FAT3: variants seen among roughly 807,000 people sequenced by gnomAD.
The protein encoded by FAT3 is FAT atypical cadherin 3, also known as protocadherin Fat 3.
FAT3 carries 95 observed loss-of-function variants against 310.2 expected under a neutral mutation model. The ratio of observed to expected loss-of-function variants is 0.31; its 90% CI spans 0.26 to 0.36. The LOEUF (loss-of-function observed/expected upper bound fraction) is 0.36. Ranked by LOEUF, FAT3 falls within the 10% of genes least tolerant of loss-of-function variation. The probability of loss-of-function intolerance (pLI) is 1.00; values close to 1 mark genes in which losing one functional copy is unlikely to be tolerated. For missense variants in FAT3, 5,408 were observed against 5,715.6 expected, an observed-to-expected ratio of 0.95 and a Z score of 1.74; for synonymous variants, 2,314 against 2,192.9, an observed-to-expected ratio of 1.06 and a Z score of -1.54.
chr11:92,257,528 C>T (rs2134295130), intron 1 of FAT3, among the ~76,000 whole-genome samples: 1 of 152,028 alleles, frequency 6.6e-6, no homozygotes, highest in Non-Finnish European at 1.5e-5. Flanking sequence ...AAAAAATTGC[C>T]TAAAAAAATA....
intron 3 of FAT3, among the ~76,000 whole-genome samples, chr11:92,600,442 G>A (rs548676012): frequency 4.6e-4 from 70 of 152,302 alleles, no homozygotes; most frequent in African/African-American, 1.6e-3. Flanking sequence ...ATAATAAAGT[G>A]CTTAGTCCTG....
Position 92,800,281 on chromosome 11 carries a change from G to T in FAT3, c.7268G>T (p.Ser2423Ile). The T allele has an allele frequency of 6.2e-7, 1 of 1,613,882 alleles. No individual in the cohort carries two copies. Among genetic ancestry groups the T allele is most frequent in the Non-Finnish European group, 8.5e-7 (1 of 1,179,782 alleles). ...TGTGTACAAGCCTCTGATGCAGACA[G>T]CTCTGATTTTGACCGGTTGGAATAT... ...VTCVQASDAD[S>I]SDFDRLEYSI... is the part of the protein sequence containing the mutation. The change falls in exon 10 of 28, where the codon AGC (serine) becomes ATC (isoleucine). Residue 2423 changes from serine (S) to isoleucine (I), a missense_variant. Physicochemically the swap from Ser to Ile is moderately radical, Grantham distance 142 (BLOSUM62 -2). Transcript: ENST00000525166.
At chr11:92,861,891 A>C (rs893670997) in intron 21 of FAT3, among the ~76,000 whole-genome samples, 11 of 152,356 alleles carry the variant, frequency 7.2e-5, no homozygotes, top group Admixed American at 6.5e-5. Flanking sequence ...TTCTCTAAAA[A>C]GTACTTAAAG....
At chr11:92,741,246 C>G (rs564421249) in intron 4 of FAT3, among the ~76,000 whole-genome samples, 4 of 152,122 alleles carry the variant, frequency 2.6e-5, no homozygotes, top group Admixed American at 6.6e-5. Flanking sequence ...TCACCATGTT[C>G]CCCGAGCTGA....
intron 22 of FAT3, among the ~76,000 whole-genome samples, chr11:92,870,125 C>T (rs1360520724): frequency 1.3e-5 from 2 of 152,226 alleles, no homozygotes; most frequent in East Asian, 3.8e-4. Flanking sequence ...CATCGGTTCT[C>T]CTGGCGGCAG....
intron 7 of FAT3, among the ~76,000 whole-genome samples, chr11:92,784,565 C>T (rs1346552896): frequency 2.0e-5 from 3 of 152,180 alleles, no homozygotes; most frequent in African/African-American, 7.2e-5. Context: ...GCATTGAAAC[C>T]AGCTCTGAAG....
intron 1 of FAT3, among the ~76,000 whole-genome samples, chr11:92,236,758 C>A (rs1185138724): frequency 6.6e-6 from 1 of 152,194 alleles, no homozygotes; most frequent in South Asian, 2.1e-4. Context: ...GCTCACAGTT[C>A]AGTGTTGGGA....
chr11:92,800,986 G>T lies in FAT3; in HGVS notation c.7973G>T (p.Gly2658Val). 2 of 1,613,400 alleles carry T rather than the reference G, an allele frequency of 1.2e-6. No homozygotes were observed. The highest frequency in any genetic ancestry group is 1.7e-6 in the Non-Finnish European group (2 of 1,179,678). The stretch of plus-strand genomic sequence containing the variant: ...CTCCTGGAAATCGATCCTGACAATG[G>T]CTGGATGGTCACAAAGGGTAATTTT... The part of the protein sequence containing the change: ...ADLLEIDPDN[G>V]WMVTKGNFNQ... The change falls in exon 10 of 28, where the codon GGC becomes GTC. Residue 2658 changes from glycine to valine, a missense_variant. Physicochemically the swap from Gly to Val is moderately radical, Grantham distance 109 (BLOSUM62 -3). Around this residue, in one of 5 missense-constraint regions of FAT3, gnomAD observed 4,588 missense variants for 4,809.8 expected, o/e 0.95. Coordinates refer to ENST00000525166, the MANE Select transcript of FAT3 (RefSeq NM_001367949.2).
intron 1 of FAT3, among the ~76,000 whole-genome samples, chr11:92,273,852 A>G (rs891275667): frequency 3.5e-4 from 53 of 152,136 alleles, no homozygotes; most frequent in African/African-American, 1.3e-3. Context: ...GAGCTGATGT[A>G]AGTTAGCATG....
intron 7 of FAT3, among the ~76,000 whole-genome samples, chr11:92,780,860 C>T (rs1007281057): frequency 5.9e-5 from 9 of 152,074 alleles, no homozygotes; most frequent in Admixed American, 5.9e-4. Flanking sequence ...CAGAGACACA[C>T]ATTACCAAAA....
At chr11:92,786,727 G>C (rs1490059032) in intron 7 of FAT3, among the ~76,000 whole-genome samples, 1 of 152,134 alleles carries the variant, frequency 6.6e-6, no homozygotes, top group Non-Finnish European at 1.5e-5. Flanking sequence ...ATAAGCACCT[G>C]TACTTTGATC....
intron 2 of FAT3, among the ~76,000 whole-genome samples, chr11:92,416,852 C>T (rs1950427850): frequency 6.6e-6 from 1 of 152,148 alleles, no homozygotes; most frequent in African/African-American, 2.4e-5. Flanking sequence ...GCAGATCTGT[C>T]CACATCCTGC....
intron 9 of FAT3, among the ~76,000 whole-genome samples, chr11:92,793,941 A>G (rs1306500053): frequency 6.6e-6 from 1 of 152,200 alleles, no homozygotes; most frequent in East Asian, 1.9e-4. Context: ...CCTTCTAAAA[A>G]AAAAAAGTTC....
At chr11:92,226,844 G>A (rs1032413438) in intron 1 of FAT3, among the ~76,000 whole-genome samples, 25 of 152,186 alleles carry the variant, frequency 1.6e-4, no homozygotes, top group African/African-American at 6.0e-4. Flanking sequence ...GCCGCGGCGG[G>A]AGGGAGGGAC....
chr11:92,453,018 C>T (rs1025921209), intron 2 of FAT3, among the ~76,000 whole-genome samples: 1 of 152,118 alleles, frequency 6.6e-6, no homozygotes, highest in African/African-American at 2.4e-5. Context: ...AAGCAATTGG[C>T]CCACTACAGC....
chr11:92,799,095 A>G lies in FAT3; in HGVS notation c.6082A>G (p.Ile2028Val), dbSNP rs2136181299. 1 of 1,613,990 alleles carries G rather than the reference A, an allele frequency of 6.2e-7. No individual in the cohort carries two copies. The highest frequency in any genetic ancestry group is 8.5e-7 in the Non-Finnish European group (1 of 1,179,878). ...SILNPGNKFK[I>V]KSTSGVIQTT... ...CTTAAACCCAGGAAATAAGTTCAAG[A>G]TAAAATCTACCTCAGGGGTCATTCA... is the stretch of plus-strand genomic sequence containing the variant. Residue 2028 changes from isoleucine (I) to valine (V), a missense_variant, in exon 10 of 28, where the codon ATA becomes GTA. Ile to Val is a conservative substitution (Grantham distance 29). Transcript: ENST00000525166.
chr11:92,653,952 T>C (rs1474928943), intron 3 of FAT3, among the ~76,000 whole-genome samples: 1 of 152,234 alleles, frequency 6.6e-6, no homozygotes, highest in Non-Finnish European at 1.5e-5. Context: ...TACCAAAATA[T>C]TTCTAAGCTT....
intron 2 of FAT3, among the ~76,000 whole-genome samples, chr11:92,497,905 A>G (rs1283781829): frequency 6.6e-6 from 1 of 151,994 alleles, no homozygotes; most frequent in Non-Finnish European, 1.5e-5. Flanking sequence ...GCATAAACAC[A>G]AGAGAATCTG....
chr11:92,396,175 A>T (rs949648623), intron 2 of FAT3, among the ~76,000 whole-genome samples: 3 of 152,160 alleles, frequency 2.0e-5, no homozygotes, highest in Non-Finnish European at 4.4e-5. Context: ...GGAATGGTGC[A>T]CTTTCATGAG....
Sources: gnomAD v4.1 joint callset for allele counts (sites outside exome capture counted in the v4.1 genomes callset) on GRCh38, gnomAD v4.1.1 for gene constraint, gnomAD v4.1.1 regional missense constraint, MANE v1.5 for transcripts, NCBI Gene and HGNC (gene_info 2026-07-23, HGNC 2026-07-21) for gene names.